Variants in PREP observed in about 807,000 individuals in gnomAD.
PREP encodes dJ355L5.1 (prolyl endopeptidase).
In PREP, 29 loss-of-function variants were observed where a neutral mutation model predicts 87.6. The ratio of observed to expected loss-of-function variants is 0.33; its 90% CI spans 0.25 to 0.45. The LOEUF (loss-of-function observed/expected upper bound fraction) is 0.45, where lower values mean the gene tolerates loss of function less well. Among genes scored for constraint, PREP ranks in the 20% least tolerant of loss-of-function variants. The pLI, the probability that PREP is intolerant of heterozygous loss-of-function variation, is 1.00. For missense variants in PREP, 695 were observed against 886.5 expected, an observed-to-expected ratio of 0.78 and a Z score of 2.74; for synonymous variants, 337 against 328.6, an observed-to-expected ratio of 1.03 and a Z score of -0.28.
intron 10 of PREP, among the ~76,000 whole-genome samples, chr6:105,304,081 G>T (rs1770602722): frequency 6.6e-6 from 1 of 152,154 alleles, no homozygotes; most frequent in African/African-American, 2.4e-5. Context: ...ATTCACATCT[G>T]CAGAGTCAAC....
rs547996851 is a variant in PREP, at chr6:105,397,353, G to A, written c.120+500C>T. 3.9e-5 allele frequency among the ~76,000 whole-genome samples: 6 copies of A among 152,170 alleles called. No individual in the cohort carries two copies. The South Asian group carries it at 1.2e-3, about 32-fold the overall frequency. ...AGAATATGAAAGCTTTATGTTTTTAGGGCAGAAAATGCTCCCCCCTGCCCC... is the reference window on the plus strand; with the variant it reads ...AGAATATGAAAGCTTTATGTTTTTAAGGCAGAAAATGCTCCCCCCTGCCCC... On this transcript the variant is annotated intron_variant, in intron 2 of 14. Coordinates refer to ENST00000652536, the MANE Select transcript of PREP (RefSeq NM_002726.5).
intron 5 of PREP, among the ~76,000 whole-genome samples, chr6:105,372,057 T>C (rs59357773): frequency 0.1 from 15,372 of 152,184 alleles, 935 homozygotes; most frequent in African/African-American, 0.16. Context: ...GCCAACATCC[T>C]TGAATAAAAA....
intron 10 of PREP, among the ~76,000 whole-genome samples, chr6:105,317,314 T>A (rs1215966936): frequency 6.6e-6 from 1 of 152,054 alleles, no homozygotes; most frequent in Admixed American, 6.6e-5. Context: ...GAATAACTTA[T>A]CTTGATAACA....
At chr6:105,399,542 C>T (rs912677540) in intron 1 of PREP, among the ~76,000 whole-genome samples, 22 of 152,116 alleles carry the variant, frequency 1.4e-4, no homozygotes, top group African/African-American at 5.1e-4. Flanking sequence ...ACATAAAACC[C>T]GACTAAAGCC....
At chr6:105,365,918 T>C (rs1230440380) in intron 6 of PREP, among the ~76,000 whole-genome samples, 1 of 151,978 alleles carries the variant, frequency 6.6e-6, no homozygotes, top group East Asian at 1.9e-4. Flanking sequence ...ATTACTTCTG[T>C]GCAGTAGAGA....
chr6:105,367,816 C>T (rs1165349638), intron 6 of PREP, among the ~76,000 whole-genome samples: 3 of 152,128 alleles, frequency 2.0e-5, no homozygotes, highest in Non-Finnish European at 4.4e-5. Context: ...GTGAGCCATA[C>T]GGACTTCTGT....
chr6:105,401,148 C>T (rs9486077), intron 1 of PREP, among the ~76,000 whole-genome samples: 11,879 of 152,140 alleles, frequency 0.078, 573 homozygotes, highest in South Asian at 0.16. Flanking sequence ...ATCTTTTAGA[C>T]GTCTTCATAA....
intron 9 of PREP, 132 bp downstream of exon 9, chr6:105,328,697 C>T: frequency 1.1e-6 from 1 of 933,624 alleles, no homozygotes; most frequent in Non-Finnish European, 1.6e-6. Context: ...GTTTTATTCC[C>T]ATTAAGTAAT....
At chr6:105,387,407 C>G (rs754662888) in intron 2 of PREP, among the ~76,000 whole-genome samples, 36 of 152,106 alleles carry the variant, frequency 2.4e-4, no homozygotes, top group Admixed American at 3.3e-4. Context: ...TAAATGTATA[C>G]AAGTACTTGA....
At chr6:105,365,531 G>A (rs1772363510) in intron 6 of PREP, among the ~76,000 whole-genome samples, 1 of 152,188 alleles carries the variant, frequency 6.6e-6, no homozygotes, top group African/African-American at 2.4e-5. Context: ...AGGCGTCACA[G>A]CAGCAGAACT....
At chr6:105,373,711 G>T in intron 4 of PREP, 133 bp from the exon 5 acceptor site, 1 of 932,380 alleles carries the variant, frequency 1.1e-6, no homozygotes, top group Non-Finnish European at 1.6e-6. Context: ...GAATCTGGTA[G>T]TGAGGAATCC....
At chr6:105,361,505 G>A (rs1583081676) in intron 6 of PREP, among the ~76,000 whole-genome samples, 3 of 152,074 alleles carry the variant, frequency 2.0e-5, no homozygotes, top group Middle Eastern at 3.4e-3. Flanking sequence ...GAATCTACAT[G>A]CACTTTCAAA....
intron 7 of PREP, 95 bp downstream of exon 7, chr6:105,352,877 G>T: frequency 9.2e-7 from 1 of 1,088,048 alleles, no homozygotes; most frequent in Non-Finnish European, 1.4e-6. Context: ...TGGTAGAATG[G>T]AAGAGGGTCT....
intron 7 of PREP, among the ~76,000 whole-genome samples, chr6:105,339,270 C>T (rs951215974): frequency 6.6e-6 from 1 of 152,122 alleles, no homozygotes; most frequent in African/African-American, 2.4e-5. Flanking sequence ...CCCAGGCAAA[C>T]AGCATCTGGA....
At chr6:105,350,047 T>C (rs1771906643) in intron 7 of PREP, among the ~76,000 whole-genome samples, 1 of 152,160 alleles carries the variant, frequency 6.6e-6, no homozygotes, top group Non-Finnish European at 1.5e-5. Flanking sequence ...ATTATGAATC[T>C]GGCTTTGCAG....
At chr6:105,400,204 G>C (rs1773389619) in intron 1 of PREP, among the ~76,000 whole-genome samples, 1 of 152,134 alleles carries the variant, frequency 6.6e-6, no homozygotes. Flanking sequence ...ATTTAAGTTT[G>C]CTAATCATTC....
At chr6:105,322,444 C>T in intron 10 of PREP, 1 of 984,842 alleles carries the variant, frequency 1.0e-6, no homozygotes, top group African/African-American at 1.7e-5. Flanking sequence ...TGACTTGCCC[C>T]ACGTGGATTT....
chr6:105,277,937 CAGGGTGGAAAA>C lies in PREP; in HGVS notation c.*196_*206del. 2.8e-6 allele frequency: 2 copies of C among 712,004 alleles called. No individual in the cohort carries two copies. The highest frequency in any genetic ancestry group is 4.6e-6 in the Non-Finnish European group (2 of 434,518). 44.1% of individuals were successfully genotyped at this position (712,004 alleles called of 1,614,324 possible). A position where few individuals can be genotyped will look rare whatever the true frequency, so the allele number is the denominator to read the frequency against. On this transcript the variant is annotated 3_prime_UTR_variant, in exon 15 of 15. Transcript: ENST00000652536. ...CACCAAAAAACCACATGTGCCTAGA[CAGGGTGGAAAA>C]AGAAACACCAAGGCCTTGCTAAAAA...
chr6:105,350,057 GA>G (rs1771906884), intron 7 of PREP, among the ~76,000 whole-genome samples: 2 of 152,124 alleles, frequency 1.3e-5, no homozygotes, highest in Non-Finnish European at 2.9e-5. Flanking sequence ...TGGCTTTGCA[GA>G]AAACAAGTTA....
Sources: gnomAD v4.1 joint callset for allele counts (sites outside exome capture counted in the v4.1 genomes callset) on GRCh38, gnomAD v4.1.1 for gene constraint, MANE v1.5 for transcripts, NCBI Gene and HGNC (gene_info 2026-07-23, HGNC 2026-07-21) for gene names.